TPRG1: variants seen among roughly 807,000 people sequenced by gnomAD.
TPRG1 encodes tumor protein p63 regulated 1, also known as tumor protein p63-regulated gene 1 protein.
A neutral mutation model predicts 29.3 loss-of-function variants in TPRG1; 29 were observed. The ratio of observed to expected loss-of-function variants is 0.99; its 90% CI spans 0.74 to 1.35. The LOEUF is 1.35. TPRG1 is among the 40% of genes most tolerant of loss of function. The probability of loss-of-function intolerance (pLI) is 0.00; values close to 1 mark genes in which losing one functional copy is unlikely to be tolerated. For missense variants in TPRG1, 327 were observed against 335.0 expected, an observed-to-expected ratio of 0.98 and a Z score of 0.19; for synonymous variants, 130 against 116.8, an observed-to-expected ratio of 1.11 and a Z score of -0.73.
At position 189,195,397 on chromosome 3, in the gene TPRG1, G is replaced by A. The variant is rs116097584; in HGVS notation, c.-9-11979G>A. ...AGGTGAAGTGGCTTCACCTCTGCTCGACTCAACAGAGAAAGCTGTAACAGC... is the reference window on the plus strand; with the variant it reads ...AGGTGAAGTGGCTTCACCTCTGCTCAACTCAACAGAGAAAGCTGTAACAGC... On this transcript the variant is annotated intron_variant, in intron 1 of 5. Coordinates refer to ENST00000345063, the MANE Select transcript of TPRG1 (RefSeq NM_198485.4). Among the ~76,000 whole-genome samples the A allele has an allele frequency of 5.8e-3, 876 of 152,238 alleles. 9 individuals are homozygous for A. The highest frequency in any genetic ancestry group is 0.018 in the African/African-American group (760 of 41,536).
intron 3 of TPRG1, among the ~76,000 whole-genome samples, chr3:189,012,492 A>T (rs1712654426): frequency 6.6e-6 from 1 of 152,108 alleles, no homozygotes. Flanking sequence ...AATGGTGGAT[A>T]AGCTTTTTGA....
At chr3:189,263,615 T>C (rs1713531143) in intron 4 of TPRG1, among the ~76,000 whole-genome samples, 1 of 152,232 alleles carries the variant, frequency 6.6e-6, no homozygotes, top group African/African-American at 2.4e-5. Flanking sequence ...CTGGAATTGC[T>C]GAGAAATGGG....
In TPRG1 at chr3:189,316,152, G is replaced by A. The variant is rs930051865; in HGVS notation, c.634-4474G>A. On this transcript the variant is annotated intron_variant, in intron 5 of 5. Transcript: ENST00000345063. ...GCATATGTTCAGAGAGGAGGGTTGG[G>A]GGATGGGATAGGATGAGGATGGAAA... 1.8e-4 allele frequency among the ~76,000 whole-genome samples: 28 copies of A among 152,276 alleles called. 1 individual carries two copies. The highest frequency in any genetic ancestry group is 6.3e-4 in the African/African-American group (26 of 41,564).
rs147775571 is a variant in TPRG1 at position 189,207,418 on chromosome 3, G to A, written c.34G>A (p.Ala12Thr). The A allele has an allele frequency of 2.5e-6, 4 of 1,613,870 alleles. No homozygotes were observed. Among genetic ancestry groups the A allele is most frequent in the Non-Finnish European group, 2.5e-6 (3 of 1,179,952 alleles). Residue 12 changes from alanine to threonine, a missense_variant, in exon 2 of 6, where the codon GCT (alanine) becomes ACT (threonine). By Grantham distance (58) the Ala-to-Thr change is moderately conservative. Coordinates refer to ENST00000345063, the MANE Select transcript of TPRG1 (RefSeq NM_198485.4). ...STIGSFEGFQ[A>T]VSLKQEGDDQ... ...AATTGGGAGTTTTGAAGGATTCCAG[G>A]CTGTGTCTCTGAAGCAAGAGGGAGA...
intron 1 of TPRG1, among the ~76,000 whole-genome samples, chr3:189,201,794 G>T (rs569727894): frequency 1.1e-4 from 17 of 152,074 alleles, no homozygotes; most frequent in Admixed American, 1.0e-3. Context: ...AGATTTACAG[G>T]GGCCTGCCAC....
chr3:189,014,169 TC>T (rs757715926), intron 3 of TPRG1, among the ~76,000 whole-genome samples: 8 of 152,220 alleles, frequency 5.3e-5, no homozygotes, highest in Non-Finnish European at 8.8e-5. Context: ...ATTTAGTGTT[TC>T]TTTCAGAAGG....
intron 4 of TPRG1, among the ~76,000 whole-genome samples, chr3:189,307,946 A>T (rs1185946796): frequency 6.6e-6 from 1 of 152,146 alleles, no homozygotes; most frequent in Non-Finnish European, 1.5e-5. Flanking sequence ...GCAGTAGAGG[A>T]CTTGTTCTGC....
intron 5 of TPRG1, among the ~76,000 whole-genome samples, chr3:189,166,489 A>G (rs1170100508): frequency 6.6e-6 from 1 of 152,242 alleles, no homozygotes; most frequent in Non-Finnish European, 1.5e-5. Flanking sequence ...GCCAAAGGAT[A>G]CCGAGGGAAA....
chr3:189,271,578 C>T (rs1317729949), intron 4 of TPRG1, among the ~76,000 whole-genome samples: 2 of 152,146 alleles, frequency 1.3e-5, no homozygotes, highest in Non-Finnish European at 2.9e-5. Context: ...ATTGTGCATG[C>T]GTAAGTTTTA....
At position 189,266,904 on chromosome 3, in the gene TPRG1, C is replaced by G. The variant is rs555728922; in HGVS notation, c.479+27995C>G. 1.3e-3 allele frequency among the ~76,000 whole-genome samples: 199 copies of G among 151,448 alleles called. 1 individual carries two copies. The highest frequency in any genetic ancestry group is 4.3e-3 in the African/African-American group (178 of 41,208). On this transcript the variant is annotated intron_variant, in intron 4 of 5. Transcript: ENST00000345063. ...TTGTGTTTTTTTTTTCCCCTTTATG[C>G]TAACTTGGATATTGCTGCACCCAGA...
intron 4 of TPRG1, 127 bp from the exon 5 acceptor site, chr3:189,310,259 C>T: frequency 1.4e-6 from 1 of 709,278 alleles, no homozygotes. Flanking sequence ...TCTTCTCACC[C>T]CCTAAAATCT....
At chr3:189,169,466 G>A (rs1728553623), upstream of TPRG1, among the ~76,000 whole-genome samples, 1 of 152,174 alleles carries the variant, frequency 6.6e-6, no homozygotes, top group South Asian at 2.1e-4. Context: ...GGCCCGGCCT[G>A]TAAAGGTTAT....
At chr3:189,270,558 G>C (rs1239354920) in intron 4 of TPRG1, among the ~76,000 whole-genome samples, 3 of 152,186 alleles carry the variant, frequency 2.0e-5, no homozygotes, top group Non-Finnish European at 2.9e-5. Context: ...TGGAATGGCT[G>C]GTAGGGCTAG....
intron 4 of TPRG1, among the ~76,000 whole-genome samples, chr3:189,241,285 G>C (rs1394084799): frequency 2.0e-5 from 3 of 152,118 alleles, no homozygotes; most frequent in African/African-American, 7.2e-5. Context: ...TACATTGCCA[G>C]TGAGATAGTA....
At chr3:189,281,413 A>G (rs529360229) in intron 4 of TPRG1, among the ~76,000 whole-genome samples, 1 of 152,346 alleles carries the variant, frequency 6.6e-6, no homozygotes, top group African/African-American at 2.4e-5. Context: ...TAGCCATGTT[A>G]CTACCCTGAG....
chr3:189,289,212 T>C (rs916545504), intron 4 of TPRG1, among the ~76,000 whole-genome samples: 3 of 152,230 alleles, frequency 2.0e-5, no homozygotes, highest in Admixed American at 2.0e-4. Context: ...GCTTCTCTTC[T>C]GTAGGTCTTT....
At chr3:189,063,560 G>A (rs1184648130) in intron 4 of TPRG1, among the ~76,000 whole-genome samples, 1 of 151,984 alleles carries the variant, frequency 6.6e-6, no homozygotes, top group African/African-American at 2.4e-5. Context: ...ATCATACAGT[G>A]TGTTTTCTCT....
At chr3:189,199,202 C>CG (rs1414273017) in intron 1 of TPRG1, among the ~76,000 whole-genome samples, 1 of 152,104 alleles carries the variant, frequency 6.6e-6, no homozygotes, top group Non-Finnish European at 1.5e-5. Flanking sequence ...AATTCATGAC[C>CG]GTTATCACAA....
intron 2 of TPRG1, 114 bp from the exon 3 acceptor site, chr3:189,215,178 A>G: frequency 1.3e-6 from 1 of 795,986 alleles, no homozygotes. Context: ...AACTGCATAA[A>G]CTATATCCTT....
Sources: gnomAD v4.1 joint callset for allele counts (sites outside exome capture counted in the v4.1 genomes callset) on GRCh38, gnomAD v4.1.1 for gene constraint, MANE v1.5 for transcripts, NCBI Gene and HGNC (gene_info 2026-07-23, HGNC 2026-07-21) for gene names.